Variants in FRMPD1 observed in about 807,000 individuals in gnomAD.
The protein encoded by FRMPD1 is FERM and PDZ domain containing 1, also known as FERM and PDZ domain-containing protein 1.
A neutral mutation model predicts 117.8 loss-of-function variants in FRMPD1; 76 were observed. The ratio of observed to expected loss-of-function variants is 0.65; its 90% CI spans 0.54 to 0.78. The LOEUF is 0.78. Among genes scored for constraint, FRMPD1 ranks in the 30% least tolerant of loss-of-function variants. The pLI is 0.00. For missense variants in FRMPD1, 1,786 were observed against 1,964.5 expected (o/e 0.91, Z 1.72); for synonymous variants, 783 against 770.4 (o/e 1.02, Z -0.27).
At chr9:37,642,469 G>C in the FRMPD1 span, among the ~76,000 whole-genome samples, 1 of 152,112 alleles carries the variant, frequency 6.6e-6, no homozygotes, top group Admixed American at 6.5e-5. Flanking sequence ...CTAGTTGAGT[G>C]ACCAGGGGAA....
intron 1 of FRMPD1, among the ~76,000 whole-genome samples, chr9:37,678,230 T>C (rs1056901769): frequency 1.3e-5 from 2 of 149,262 alleles, no homozygotes; most frequent in African/African-American, 2.5e-5. Context: ...TTCTATCTCT[T>C]TTCCCCTCTA....
the FRMPD1 span, among the ~76,000 whole-genome samples, chr9:37,623,618 G>A: frequency 6.6e-6 from 1 of 152,190 alleles, no homozygotes; most frequent in Non-Finnish European, 1.5e-5. Context: ...ACTGGTGAGA[G>A]CCCTGCATGC....
At chr9:37,729,382 C>CAAAAAAAAAA (rs60967717) in intron 7 of FRMPD1, among the ~76,000 whole-genome samples, 2 of 54,716 alleles carry the variant, frequency 3.7e-5, no homozygotes, top group African/African-American at 9.1e-5. Flanking sequence ...GAGACCCTCT[C>CAAAAAAAAAA]AAAAAAAAAA....
Position 37,707,342 on chromosome 9 carries a change from T to G in FRMPD1, c.102-74T>G, listed in dbSNP as rs1169084881. ...AGTTCTGCATCTTTCTCCATGATGC[T>G]TAGGGCTGACCCAGTTCGTGACCAA... is the stretch of plus-strand genomic sequence containing the variant. On this transcript the variant is annotated intron_variant, in intron 2 of 15. Coordinates refer to ENST00000377765, the MANE Select transcript of FRMPD1 (RefSeq NM_014907.3). 3 of 1,288,968 alleles carry G rather than the reference T, an allele frequency of 2.3e-6. 1 individual carries two copies. The highest frequency in any genetic ancestry group is 2.7e-5 in the South Asian group (2 of 74,138). 79.8% of individuals were successfully genotyped at this position (1,288,968 alleles called of 1,614,324 possible). A position where few individuals can be genotyped will look rare whatever the true frequency, so the allele number is the denominator to read the frequency against.
intron 15 of FRMPD1, 51 bp from the exon 16 acceptor site, chr9:37,744,338 A>T: frequency 7.2e-7 from 1 of 1,393,122 alleles, no homozygotes. Context: ...AAGCTCTATT[A>T]ACCTCTTTTT....
intron 4 of FRMPD1, 68 bp from the exon 5 acceptor site, chr9:37,711,282 T>C: frequency 1.1e-6 from 1 of 951,536 alleles, no homozygotes; most frequent in Admixed American, 1.7e-5. Flanking sequence ...CTCACACATG[T>C]ATGCATGCAC....
chr9:37,740,590 G>T lies in FRMPD1; in HGVS notation c.2062G>T (p.Glu688Ter), dbSNP rs769795530. The T allele has an allele frequency of 6.2e-7, 1 of 1,614,230 alleles. No individual in the cohort carries two copies. The highest frequency in any genetic ancestry group is 8.5e-7 in the Non-Finnish European group (1 of 1,180,046). Residue 688 changes from glutamate to a stop codon, truncating the protein, a stop_gained, in exon 15 of 16, where the codon GAA becomes TAA. Coordinates refer to ENST00000377765, the MANE Select transcript of FRMPD1 (RefSeq NM_014907.3). LOFTEE classifies it high-confidence loss of function. The surrounding 1 kb of genome is among the most constrained non-coding windows in gnomAD (Gnocchi z 4.2). The part of the protein sequence containing the change: ...AALETFGWAP[E>*]LSTVRLDPRL... ...TTTGGAGACATTTGGCTGGGCACCAGAACTGAGCACAGTCAGGCTGGACCC... is the reference window on the plus strand; with the variant it reads ...TTTGGAGACATTTGGCTGGGCACCATAACTGAGCACAGTCAGGCTGGACCC...
chr9:37,641,026 T>G, the FRMPD1 span, among the ~76,000 whole-genome samples: 1 of 152,230 alleles, frequency 6.6e-6, no homozygotes, highest in Non-Finnish European at 1.5e-5. Context: ...TAACTGGGAC[T>G]GCAGGCATGC....
chr9:37,707,333 C>A (rs527758490), intron 2 of FRMPD1, 83 bp from the exon 3 acceptor site: 2 of 1,137,124 alleles, frequency 1.8e-6, no homozygotes, highest in East Asian at 4.7e-5. Flanking sequence ...GCATCTTTCT[C>A]CATGATGCTT....
At position 37,745,224 on chromosome 9, in the gene FRMPD1, A is replaced by T; in HGVS notation, c.3192A>T (p.Ile1064=). The T allele has an allele frequency of 6.2e-7, 1 of 1,613,152 alleles. No individual in the cohort carries two copies. Among genetic ancestry groups the T allele is most frequent in the Non-Finnish European group, 8.5e-7 (1 of 1,179,160 alleles). The change falls in exon 16 of 16, where the codon ATA becomes ATT. Residue 1064 remains isoleucine (I), a synonymous_variant. Transcript: ENST00000377765. ...MGLESFCTNH[I]QETAPKYTEP... is the part of the protein sequence containing the mutation. Reference sequence around the variant, plus strand: ...TGGAATCTTTTTGTACAAATCATATACAAGAAACTGCCCCCAAATACACAG... The same window carrying T: ...TGGAATCTTTTTGTACAAATCATATTCAAGAAACTGCCCCCAAATACACAG...
the FRMPD1 span, among the ~76,000 whole-genome samples, chr9:37,636,381 C>T: frequency 4.4e-3 from 662 of 152,172 alleles, 4 homozygotes; most frequent in Non-Finnish European, 7.5e-3. Context: ...GGAGGGAGAC[C>T]GACAGAAGAG....
At chr9:37,650,431 C>G (rs1820630565), upstream of FRMPD1, among the ~76,000 whole-genome samples, 1 of 152,006 alleles carries the variant, frequency 6.6e-6, no homozygotes, top group Non-Finnish European at 1.5e-5. Flanking sequence ...AAGGAGTTTA[C>G]AGAGACAGGG....
chr9:37,686,773 G>A (rs768533043), intron 1 of FRMPD1, among the ~76,000 whole-genome samples: 6 of 152,234 alleles, frequency 3.9e-5, no homozygotes, highest in Non-Finnish European at 7.3e-5. Flanking sequence ...TTCAAAAGGC[G>A]TGGAAAGGCT....
intron 2 of FRMPD1, among the ~76,000 whole-genome samples, chr9:37,706,232 G>A (rs896668899): frequency 6.6e-6 from 1 of 152,124 alleles, no homozygotes; most frequent in South Asian, 2.1e-4. Flanking sequence ...TTGGTGGATA[G>A]TGTACACGAG....
intron 1 of FRMPD1, chr9:37,661,758 A>G (rs1188406539): frequency 2.6e-5 from 4 of 152,240 alleles, no homozygotes; most frequent in Non-Finnish European, 5.9e-5. Flanking sequence ...CTTTGACACT[A>G]CATTTAATTT....
chr9:37,693,024 A>T, intron 2 of FRMPD1: 1 of 471,470 alleles, frequency 2.1e-6, no homozygotes. Context: ...ACAGAAATAC[A>T]CTCATACATA....
chr9:37,688,125 A>C (rs1822011175), intron 1 of FRMPD1, among the ~76,000 whole-genome samples: 1 of 151,774 alleles, frequency 6.6e-6, no homozygotes, highest in African/African-American at 2.4e-5. Context: ...TTTATGTGTG[A>C]TATTTAATTT....
intron 15 of FRMPD1, 170 bp downstream of exon 15, chr9:37,741,054 G>T: frequency 1.6e-6 from 1 of 615,232 alleles, no homozygotes; most frequent in Non-Finnish European, 2.9e-6. Context: ...AGGCATCGTG[G>T]CAGGCCTGCA....
chr9:37,740,409 C>A lies in FRMPD1; in HGVS notation c.1881C>A (p.Phe627Leu), dbSNP rs1227407463. The A allele has an allele frequency of 6.2e-7, 1 of 1,614,028 alleles. No individual in the cohort carries two copies. Among genetic ancestry groups the A allele is most frequent in the Non-Finnish European group, 8.5e-7 (1 of 1,180,018 alleles). The change falls in exon 15 of 16, where the codon TTC (phenylalanine) becomes TTA (leucine). Residue 627 changes from phenylalanine (F) to leucine (L), a missense_variant. Physicochemically the swap from Phe to Leu is conservative, Grantham distance 22 (BLOSUM62 0). Coordinates refer to ENST00000377765, the MANE Select transcript of FRMPD1 (RefSeq NM_014907.3). The surrounding 1 kb of genome is among the most constrained non-coding windows in gnomAD (Gnocchi z 4.2). Reference protein sequence around the residue: ...LDTCSSSRSTFFHFGSPGLAE... With the variant: ...LDTCSSSRSTLFHFGSPGLAE... ...CCTGCTCCTCCAGCAGGTCCACCTT[C>A]TTCCACTTTGGCTCGCCAGGCCTCG...
Sources: gnomAD v4.1 joint callset for allele counts (sites outside exome capture counted in the v4.1 genomes callset) on GRCh38, gnomAD v4.1.1 for gene constraint, Gnocchi (gnomAD v3.1) non-coding constraint, MANE v1.5 for transcripts, NCBI Gene and HGNC (gene_info 2026-07-23, HGNC 2026-07-21) for gene names.